The following EIF3K variants were observed in gnomAD, a reference collection of about 807,000 sequenced individuals.
EIF3K encodes eukaryotic translation initiation factor 3 subunit K.
EIF3K carries 27 observed loss-of-function variants against 34.2 expected under a neutral mutation model. That is an observed-to-expected ratio of 0.79 (90% CI 0.58 to 1.09). The LOEUF (loss-of-function observed/expected upper bound fraction) is 1.09. Among genes scored for constraint, EIF3K ranks in the 50% least tolerant of loss-of-function variants. EIF3K has a pLI of 0.00. For synonymous variants in EIF3K, 105 were observed against 105.7 expected (o/e 0.99, Z 0.04); for missense variants, 232 against 275.4 (o/e 0.84, Z 1.11).
chr19:38,633,834 G>A (rs943627366), intron 6 of EIF3K, among the ~76,000 whole-genome samples: 12 of 151,980 alleles, frequency 7.9e-5, no homozygotes, highest in South Asian at 4.1e-4. Context: ...TTAGCTGGAC[G>A]TGTTGGCATG....
At chr19:38,634,902 G>T in intron 6 of EIF3K, 91 bp from the exon 7 acceptor site, 1 of 1,571,462 alleles carries the variant, frequency 6.4e-7, no homozygotes, top group Non-Finnish European at 8.6e-7. Flanking sequence ...GGCTGCCCTG[G>T]CTTCCTGAGC....
At position 38,625,991 on chromosome 19, in the gene EIF3K, T is replaced by A. The variant is rs538490810; in HGVS notation, c.280-37T>A. The A allele has an allele frequency of 3.7e-6, 6 of 1,608,144 alleles. No individual in the cohort carries two copies. In the South Asian group the frequency reaches 6.6e-5, roughly 18 times the overall value. On this transcript the variant is annotated intron_variant, in intron 3 of 7. Transcript: ENST00000248342. ...GGTGATCTGGGGTCCAACCTTACGCTCCGAGGCCAGTTTTCCTTAATGCTT... is the reference window on the plus strand; with the variant it reads ...GGTGATCTGGGGTCCAACCTTACGCACCGAGGCCAGTTTTCCTTAATGCTT...
chr19:38,626,652 C>A (rs962888546), intron 4 of EIF3K, among the ~76,000 whole-genome samples: 2 of 152,142 alleles, frequency 1.3e-5, no homozygotes, highest in African/African-American at 2.4e-5. Context: ...AAGAGAAATT[C>A]TCCGTCTCTT....
intron 2 of EIF3K, among the ~76,000 whole-genome samples, chr19:38,621,903 CTTTT>C (rs914363057): frequency 1.1e-4 from 12 of 111,502 alleles, no homozygotes; most frequent in African/African-American, 1.4e-4. Context: ...TCTTCGTGCC[CTTTT>C]TTTTTTTTTT....
intron 1 of EIF3K, among the ~76,000 whole-genome samples, chr19:38,619,653 C>T (rs2144757942): frequency 6.6e-6 from 1 of 152,354 alleles, no homozygotes; most frequent in South Asian, 2.1e-4. Flanking sequence ...TGGTACCACT[C>T]AGTCTCTTCG....
intron 2 of EIF3K, among the ~76,000 whole-genome samples, chr19:38,621,079 T>A (rs781160212): frequency 1.3e-5 from 2 of 151,484 alleles, no homozygotes; most frequent in Non-Finnish European, 2.9e-5. Context: ...TGGCTGTAGT[T>A]CCAGCTACTT....
At chr19:38,626,610 C>A (rs1249107599) in intron 4 of EIF3K, among the ~76,000 whole-genome samples, 1 of 152,196 alleles carries the variant, frequency 6.6e-6, no homozygotes, top group African/African-American at 2.4e-5. Context: ...TGCACTCCAG[C>A]CTGGGCAACA....
chr19:38,634,888 G>T, intron 6 of EIF3K, 105 bp from the exon 7 acceptor site: 1 of 1,523,452 alleles, frequency 6.6e-7, no homozygotes, highest in East Asian at 2.3e-5. Flanking sequence ...CAGTGGGCAA[G>T]GGGGGCTGCC....
chr19:38,636,006 TAACTG>T (rs777826587), intron 7 of EIF3K, among the ~76,000 whole-genome samples: 7 of 152,232 alleles, frequency 4.6e-5, no homozygotes, highest in Non-Finnish European at 1.0e-4. Flanking sequence ...ATTTTGTACT[TAACTG>T]GGGAACAGCA....
intron 6 of EIF3K, among the ~76,000 whole-genome samples, chr19:38,633,552 G>T (rs1976117586): frequency 6.6e-6 from 1 of 151,934 alleles, no homozygotes; most frequent in Admixed American, 6.6e-5. Flanking sequence ...ACAAAAAATT[G>T]CTGGGTGTGG....
At chr19:38,622,184 C>T (rs1299578035) in intron 2 of EIF3K, among the ~76,000 whole-genome samples, 1 of 151,358 alleles carries the variant, frequency 6.6e-6, no homozygotes, top group Non-Finnish European at 1.5e-5. Flanking sequence ...CAACTCAGTG[C>T]ATCCTTTGCC....
intron 1 of EIF3K, among the ~76,000 whole-genome samples, chr19:38,619,720 C>A (rs917005922): frequency 6.6e-6 from 1 of 152,220 alleles, no homozygotes; most frequent in Non-Finnish European, 1.5e-5. Context: ...CTCTTAATCT[C>A]TCCCTTCTCT....
At chr19:38,628,593 G>A (rs1975996148) in intron 4 of EIF3K, 1 of 152,340 alleles carries the variant, frequency 6.6e-6, no homozygotes, top group Non-Finnish European at 1.5e-5. Context: ...GGGAGGCCGA[G>A]GTGGATGGAT....
chr19:38,623,937 G>A, intron 2 of EIF3K, 140 bp from the exon 3 acceptor site: 1 of 1,344,278 alleles, frequency 7.4e-7, no homozygotes, highest in Non-Finnish European at 1.0e-6. Flanking sequence ...AGGTTACACA[G>A]CTGGGAAGCA....
intron 2 of EIF3K, 32 bp downstream of exon 2, chr19:38,620,467 T>C (rs1185494263): frequency 6.3e-7 from 1 of 1,590,016 alleles, no homozygotes; most frequent in South Asian, 1.1e-5. Flanking sequence ...TACACTCCCA[T>C]TGCAGCAACT....
At chr19:38,621,935 A>ATCT (rs1975850543) in intron 2 of EIF3K, among the ~76,000 whole-genome samples, 1 of 106,012 alleles carries the variant, frequency 9.4e-6, no homozygotes, top group Non-Finnish European at 1.8e-5. Context: ...TGGAGACAGG[A>ATCT]TCTTCTGTTG....
intron 4 of EIF3K, among the ~76,000 whole-genome samples, chr19:38,629,269 TTG>T (rs1339995164): frequency 8.9e-6 from 1 of 112,634 alleles, no homozygotes; most frequent in African/African-American, 4.3e-5. Context: ...TTTTGTTTGT[TTG>T]TTTTGTTTTG....
chr19:38,628,031 G>A (rs1025414430), intron 4 of EIF3K, among the ~76,000 whole-genome samples: 1 of 151,558 alleles, frequency 6.6e-6, no homozygotes, highest in African/African-American at 2.4e-5. Context: ...CAGCCTCCCA[G>A]GTAGCTGGGA....
intron 7 of EIF3K, chr19:38,635,447 G>T (rs912608040): frequency 9.8e-6 from 4 of 407,112 alleles, no homozygotes; most frequent in African/African-American, 6.0e-5. Flanking sequence ...TTTATTCTTG[G>T]GGTGCCCAAG....
Sources: gnomAD v4.1 joint callset for allele counts (sites outside exome capture counted in the v4.1 genomes callset) on GRCh38, gnomAD v4.1.1 for gene constraint, MANE v1.5 for transcripts, NCBI Gene and HGNC (gene_info 2026-07-23, HGNC 2026-07-21) for gene names.